LRRC27: variants seen among roughly 807,000 people sequenced by gnomAD.
LRRC27 encodes the protein leucine rich repeat containing 27, also known as leucine-rich repeat-containing protein 27.
A neutral mutation model predicts 55.0 loss-of-function variants in LRRC27; 57 were observed. That is an observed-to-expected ratio of 1.04 (90% CI 0.84 to 1.29). LRRC27 has a LOEUF of 1.29. Ranked by LOEUF, LRRC27 falls within the 50% of genes most tolerant of loss-of-function variation. The pLI is 0.00. For missense variants in LRRC27, 721 were observed against 651.5 expected (o/e 1.11, Z -1.16); for synonymous variants, 278 against 251.9 (o/e 1.10, Z -0.98).
rs2133119551 is a variant in LRRC27 at position 132,377,162 on chromosome 10, C to T, written c.*1920C>T. 1 of 152,268 alleles carries T rather than the reference C, an allele frequency of 6.6e-6. No individual in the cohort carries two copies. The highest frequency in any genetic ancestry group is 1.9e-4 in the East Asian group (1 of 5,182). The allele number at this position is 152,268 out of a possible 1,614,324, so 9.4% of individuals were successfully genotyped here. ...CTACTGTACTGGATTTAAAGCGCACCTTATAGAGACATCATATACTCGGGA... is the reference window on the plus strand; with the variant it reads ...CTACTGTACTGGATTTAAAGCGCACTTTATAGAGACATCATATACTCGGGA... On this transcript the variant is annotated 3_prime_UTR_variant, in exon 11 of 11. Transcript: ENST00000368614.
chr10:132,369,667 C>T (rs1268992832), intron 10 of LRRC27, among the ~76,000 whole-genome samples: 2 of 152,178 alleles, frequency 1.3e-5, no homozygotes, highest in Non-Finnish European at 2.9e-5. Context: ...ACAGACTGTG[C>T]CACCCCACAC....
chr10:132,355,873 C>T lies in LRRC27; in HGVS notation c.1157C>T (p.Pro386Leu), dbSNP rs145509969. 5.4e-4 allele frequency: 846 copies of T among 1,554,208 alleles called. 3 individuals are homozygous for T. The African/African-American group carries it at 0.011, about 19-fold the overall frequency. The change falls in exon 8 of 11, where the codon CCG (proline) becomes CTG (leucine). Residue 386 changes from proline to leucine, a missense_variant. Pro to Leu is a moderately conservative substitution (Grantham distance 98). Coordinates refer to ENST00000368614, the MANE Select transcript of LRRC27 (RefSeq NM_030626.3). ...GAAGAGCTCAGCAAACTCCTGCCTCCGCGGAGGAGCATGGTACGGCACGCG... is the reference window on the plus strand; with the variant it reads ...GAAGAGCTCAGCAAACTCCTGCCTCTGCGGAGGAGCATGGTACGGCACGCG... ...RKEELSKLLP[P>L]RRSMVASKIP...
chr10:132,359,641 G>A lies in LRRC27; in HGVS notation c.1171-1816G>A, dbSNP rs531300328. 2.6e-5 allele frequency among the ~76,000 whole-genome samples: 4 copies of A among 152,374 alleles called. No homozygotes were observed. In the East Asian group the frequency reaches 7.7e-4, roughly 29 times the overall value. ...GCTTCTGCTGATCCGTCACTGTGTG[G>A]TCACACCCCAAGTACATTCGATGGG... On this transcript the variant is annotated intron_variant, in intron 8 of 10. Coordinates refer to ENST00000368614, the MANE Select transcript of LRRC27 (RefSeq NM_030626.3).
chr10:132,332,730 C>A (rs955851191), intron 1 of LRRC27, among the ~76,000 whole-genome samples: 3 of 148,516 alleles, frequency 2.0e-5, no homozygotes, highest in Admixed American at 6.7e-5. Flanking sequence ...GTCGCCTCTA[C>A]CCCCCAATTA....
At chr10:132,354,488 C>A (rs2068217867) in intron 7 of LRRC27, among the ~76,000 whole-genome samples, 1 of 152,192 alleles carries the variant, frequency 6.6e-6, no homozygotes, top group African/African-American at 2.4e-5. Context: ...GGGGCACCAC[C>A]CTGGCTGGGG....
intron 2 of LRRC27, chr10:132,336,775 T>C (rs773649590): frequency 1.3e-6 from 1 of 772,556 alleles, no homozygotes; most frequent in Admixed American, 1.7e-5. Context: ...GTTCCGAACA[T>C]CTGTTTCTAC....
chr10:132,355,451 C>T lies in LRRC27; in HGVS notation c.1074-339C>T, dbSNP rs114499112. The stretch of plus-strand genomic sequence containing the variant: ...CCGCAGCCAGGCACCCCCAACCCGT[C>T]GTGCAGCGCCTGTGGTGGCAGCCCC... On this transcript the variant is annotated intron_variant, in intron 7 of 10. Transcript: ENST00000368614. 5.2e-3 allele frequency among the ~76,000 whole-genome samples: 799 copies of T among 152,342 alleles called. 9 individuals are homozygous for T. The highest frequency in any genetic ancestry group is 0.018 in the African/African-American group (765 of 41,584).
Position 132,365,444 on chromosome 10 carries a change from TAGAAG to T in LRRC27, c.1317_1321del (p.Glu439AspfsTer10). The T allele has an allele frequency of 6.2e-7, 1 of 1,613,688 alleles. No homozygotes were observed. The highest frequency in any genetic ancestry group is 8.5e-7 in the Non-Finnish European group (1 of 1,179,966). On this transcript the variant is annotated frameshift_variant, in exon 10 of 11. Transcript: ENST00000368614. LOFTEE classifies it high-confidence loss of function. ...CTCAGTGCCCTGCAGGAGAGAAATT[TAGAAG>T]AGAAGATAAAACAGCACGTCCTCCA...
chr10:132,331,584 C>A, upstream of LRRC27: 1 of 1,612,926 alleles, frequency 6.2e-7, no homozygotes, highest in South Asian at 1.1e-5. Context: ...CAGGAAGCCC[C>A]AGGAGAGACG....
intron 8 of LRRC27, among the ~76,000 whole-genome samples, chr10:132,360,111 C>CATTT (rs199791859): frequency 0.02 from 2,966 of 152,094 alleles, 52 homozygotes; most frequent in African/African-American, 0.04. Context: ...CTGGATTTAG[C>CATTT]ATTTATTTAT....
chr10:132,352,646 C>T (rs1184103020), intron 7 of LRRC27, among the ~76,000 whole-genome samples: 2 of 121,372 alleles, frequency 1.6e-5, no homozygotes, highest in Non-Finnish European at 1.7e-5. Flanking sequence ...GTGGGGCAGG[C>T]GCTGAGGCCT....
At chr10:132,334,389 A>G (rs2067014949) in intron 2 of LRRC27, among the ~76,000 whole-genome samples, 2 of 152,176 alleles carry the variant, frequency 1.3e-5, no homozygotes. Flanking sequence ...GAACATAGTT[A>G]TGATATTGAT....
At chr10:132,365,905 A>C (rs2069057088) in intron 10 of LRRC27, among the ~76,000 whole-genome samples, 1 of 152,254 alleles carries the variant, frequency 6.6e-6, no homozygotes, top group Non-Finnish European at 1.5e-5. Context: ...TTTTATTAAA[A>C]ATAAAGAGAA....
intron 10 of LRRC27, among the ~76,000 whole-genome samples, chr10:132,373,848 T>C (rs1363192874): frequency 6.6e-6 from 1 of 151,882 alleles, no homozygotes; most frequent in Non-Finnish European, 1.5e-5. Context: ...GGTTTACAGT[T>C]TGAGAGGATG....
intron 9 of LRRC27, among the ~76,000 whole-genome samples, chr10:132,364,700 G>T (rs1253750617): frequency 1.3e-4 from 1 of 7,918 alleles, no homozygotes; most frequent in Non-Finnish European, 3.3e-4. Context: ...CCACACCGTG[G>T]GGCCCCACAC....
At position 132,374,953 on chromosome 10, in the gene LRRC27, C is replaced by A; in HGVS notation, c.1417-113C>A. ...AGGGGCCCCGGGGCAGCGGGGCTGGCTCTGCTGACGCCCACATGGCCTGGG... is the reference window on the plus strand; with the variant it reads ...AGGGGCCCCGGGGCAGCGGGGCTGGATCTGCTGACGCCCACATGGCCTGGG... On this transcript the variant is annotated intron_variant, in intron 10 of 10. Transcript: ENST00000368614. The surrounding 1 kb of genome is among the most constrained non-coding windows in gnomAD (Gnocchi z 4.4). 1 of 1,193,544 alleles carries A rather than the reference C, an allele frequency of 8.4e-7. No individual in the cohort carries two copies. Among genetic ancestry groups the A allele is most frequent in the Non-Finnish European group, 1.2e-6 (1 of 853,330 alleles). The allele number at this position is 1,193,544 out of a possible 1,614,324, so 73.9% of individuals were successfully genotyped here. A position where few individuals can be genotyped will look rare whatever the true frequency, so the allele number is the denominator to read the frequency against.
chr10:132,343,574 C>T (rs1028619478), intron 4 of LRRC27, among the ~76,000 whole-genome samples: 2 of 152,240 alleles, frequency 1.3e-5, no homozygotes, highest in Admixed American at 6.5e-5. Context: ...AAACGAATTT[C>T]ATTTAGATAG....
At chr10:132,347,694 G>A (rs1022649511) in intron 5 of LRRC27, among the ~76,000 whole-genome samples, 2 of 144,300 alleles carry the variant, frequency 1.4e-5, no homozygotes, top group African/African-American at 2.6e-5. Context: ...TGGTGCCTGC[G>A]GGGAGGGTCA....
chr10:132,331,922 C>G (rs1217956915), upstream of LRRC27: 26 of 694,170 alleles, frequency 3.7e-5, no homozygotes, highest in Non-Finnish European at 5.3e-5. Context: ...CACAACCCCC[C>G]CACCGCAAGC....
Sources: allele counts gnomAD v4.1 joint callset (sites outside exome capture counted in the v4.1 genomes callset), GRCh38; gene constraint gnomAD v4.1.1; non-coding constraint Gnocchi (gnomAD v3.1); transcripts MANE v1.5; gene names NCBI Gene and HGNC (gene_info 2026-07-23, HGNC 2026-07-21).